Variants in TCFL5 observed in about 807,000 individuals in gnomAD.
The protein encoded by TCFL5 is transcription factor-like 5 protein.
In TCFL5, 9 loss-of-function variants were observed where a neutral mutation model predicts 44.3. The ratio of observed to expected loss-of-function variants is 0.20; its 90% CI spans 0.12 to 0.35. The LOEUF (loss-of-function observed/expected upper bound fraction) is 0.35, where lower values mean the gene tolerates loss of function less well. Among genes scored for constraint, TCFL5 ranks in the 10% least tolerant of loss-of-function variants. The pLI, the probability that TCFL5 is intolerant of heterozygous loss-of-function variation, is 1.00. For missense variants in TCFL5, 603 were observed against 613.4 expected (o/e 0.98, Z 0.18); for synonymous variants, 319 against 271.6 (o/e 1.17, Z -1.72).
intron 3 of TCFL5, among the ~76,000 whole-genome samples, chr20:62,858,220 C>A (rs551879560): frequency 2.0e-5 from 3 of 152,228 alleles, no homozygotes; most frequent in Non-Finnish European, 2.9e-5. Flanking sequence ...TTTTCTGCTG[C>A]GTGACAGGCT....
In TCFL5 at chr20:62,860,142, T is replaced by C. The variant is rs17854409; in HGVS notation, c.814A>G (p.Asn272Asp). ...TTCCCTACCTGTGTCTGTGAAAGAT[T>C]AGAATTTCCACTAGTAGAGCAAGCA... ...TNACSTSGNS[N>D]LSQTQSSSNS... Residue 272 changes from asparagine to aspartate, a missense_variant, in exon 2 of 6, where the codon AAT becomes GAT. Physicochemically the swap from Asn to Asp is conservative, Grantham distance 23. Transcript: ENST00000335351. The C allele has an allele frequency of 0.084, 134,576 of 1,608,502 alleles. 6,760 individuals are homozygous for C. Among genetic ancestry groups the C allele is most frequent in the African/African-American group, 0.21 (15,383 of 74,916 alleles).
chr20:62,857,935 G>A (rs1456992693), intron 3 of TCFL5, among the ~76,000 whole-genome samples: 6 of 151,186 alleles, frequency 4.0e-5, no homozygotes, highest in African/African-American at 1.5e-4. Context: ...ATTAACAGGT[G>A]TTATCTATGA....
intron 5 of TCFL5, chr20:62,851,462 A>T: frequency 1.1e-6 from 1 of 894,060 alleles, no homozygotes; most frequent in Non-Finnish European, 1.3e-6. Flanking sequence ...ATTTACTAAT[A>T]GATACACAAA....
In TCFL5 at chr20:62,861,190, C is replaced by G. The variant is rs2063998694; in HGVS notation, c.481G>C (p.Gly161Arg). 12 of 1,037,896 alleles carry G rather than the reference C, an allele frequency of 1.2e-5. No individual in the cohort carries two copies. The highest frequency in any genetic ancestry group is 1.4e-5 in the Non-Finnish European group (12 of 868,536). 64.3% of individuals were successfully genotyped at this position (1,037,896 alleles called of 1,614,324 possible). A position where few individuals can be genotyped will look rare whatever the true frequency, so the allele number is the denominator to read the frequency against. The change falls in exon 1 of 6, where the codon GGC (glycine) becomes CGC (arginine). Residue 161 changes from glycine (G) to arginine (R), a missense_variant. Physicochemically the swap from Gly to Arg is moderately radical, Grantham distance 125. Coordinates refer to ENST00000335351, the MANE Select transcript of TCFL5 (RefSeq NM_006602.4). The surrounding 1 kb of genome is among the most constrained non-coding windows in gnomAD (Gnocchi z 4.0). ...GCCGCAGCCGCAGCCGCGCCCGCGC[C>G]CTCCTTGGCGGCGCCGTCGGCCCGG... ...RARADGAAKEGAGAAAAAAGP... is the reference protein window; with the variant it reads ...RARADGAAKERAGAAAAAAGP...
At chr20:62,860,481 A>G (rs1453058448) in intron 1 of TCFL5, among the ~76,000 whole-genome samples, 173 bp from the exon 2 acceptor site, 5 of 152,154 alleles carry the variant, frequency 3.3e-5, no homozygotes, top group Admixed American at 2.0e-4. Context: ...TCCTCTTCCT[A>G]TGGAGGAAAA....
chr20:62,845,716 ACTCGGAGAC>A lies in TCFL5; in HGVS notation c.1381-3628_1381-3620del, dbSNP rs769074986. 21 of 1,606,738 alleles carry A rather than the reference ACTCGGAGAC, an allele frequency of 1.3e-5. No individual in the cohort carries two copies. The South Asian group carries it at 2.3e-4, about 18-fold the overall frequency. On this transcript the variant is annotated intron_variant, in intron 5 of 5. Coordinates refer to ENST00000335351, the MANE Select transcript of TCFL5 (RefSeq NM_006602.4). Reference sequence around the variant, plus strand: ...ATCGAGGACTTCCAATATGACGAGGACTCGGAGACATATTTCTGTCCCTGCCCATGCGGA... The same window carrying A: ...ATCGAGGACTTCCAATATGACGAGGAATATTTCTGTCCCTGCCCATGCGGA...
rs1300269742 is a variant in TCFL5, at chr20:62,841,378, G to GT, written c.*596dup. ...AAAACGTGGCATTTAAGCGTCTACTGTGACAGTATTTCATTTGTGGACAAA... is the reference window on the plus strand; with the variant it reads ...AAAACGTGGCATTTAAGCGTCTACTGTTGACAGTATTTCATTTGTGGACAAA... On this transcript the variant is annotated 3_prime_UTR_variant, in exon 6 of 6. Transcript: ENST00000335351. The GT allele has an allele frequency of 6.5e-6, 1 of 154,150 alleles. No individual in the cohort carries two copies. The highest frequency in any genetic ancestry group is 1.4e-5 in the Non-Finnish European group (1 of 69,440). The allele number at this position is 154,150 out of a possible 1,614,324, so 9.5% of individuals were successfully genotyped here.
chr20:62,857,960 A>G (rs963854836), intron 3 of TCFL5, among the ~76,000 whole-genome samples: 1 of 152,128 alleles, frequency 6.6e-6, no homozygotes, highest in Non-Finnish European at 1.5e-5. Context: ...AGAAAACAAG[A>G]AGTTGTTTAC....
chr20:62,850,545 T>G (rs1378411714), intron 5 of TCFL5, among the ~76,000 whole-genome samples: 1 of 152,002 alleles, frequency 6.6e-6, no homozygotes, highest in East Asian at 1.9e-4. Context: ...CGCCGCCCCC[T>G]GGCAGCCATC....
intron 3 of TCFL5, 95 bp from the exon 4 acceptor site, chr20:62,857,733 C>T (rs1453539009): frequency 2.1e-6 from 3 of 1,433,026 alleles, no homozygotes; most frequent in East Asian, 2.3e-5. Flanking sequence ...AAGATATAAA[C>T]ATTATTGGGT....
At chr20:62,860,332 G>A (rs758171260) in intron 1 of TCFL5, 24 bp from the exon 2 acceptor site, 14 of 1,592,338 alleles carry the variant, frequency 8.8e-6, no homozygotes, top group Non-Finnish European at 1.1e-5. Flanking sequence ...AGAAAGCCCA[G>A]AAGTGTCAGC....
chr20:62,852,029 C>T (rs1681614562), intron 5 of TCFL5: 1 of 968,346 alleles, frequency 1.0e-6, no homozygotes, highest in Admixed American at 6.2e-5. Flanking sequence ...TGGTCTCGAA[C>T]TCCTGGCCTC....
intron 5 of TCFL5, chr20:62,844,886 G>T (rs2063722293): frequency 1.0e-6 from 1 of 984,320 alleles, no homozygotes; most frequent in Non-Finnish European, 1.2e-6. Context: ...GGGAGCCACG[G>T]TTCCCAGTCT....
At chr20:62,856,153 G>A (rs2147279272) in intron 4 of TCFL5, among the ~76,000 whole-genome samples, 1 of 150,444 alleles carries the variant, frequency 6.6e-6, no homozygotes, top group Non-Finnish European at 1.5e-5. Flanking sequence ...GGGAGGCTGA[G>A]GCAGAAGACT....
intron 5 of TCFL5, chr20:62,845,605 A>G: frequency 6.3e-7 from 1 of 1,577,542 alleles, no homozygotes; most frequent in Non-Finnish European, 8.6e-7. Context: ...GAGAAGTTAG[A>G]CCCTCGGAGC....
intron 5 of TCFL5, chr20:62,846,086 A>G: frequency 1.5e-6 from 2 of 1,320,558 alleles, no homozygotes; most frequent in Non-Finnish European, 2.0e-6. Flanking sequence ...GCAAGTCCAT[A>G]ACATGACGTA....
In TCFL5 at chr20:62,857,379, C is replaced by T. The variant is rs767030832; in HGVS notation, c.1238+16G>A. On this transcript the variant is annotated intron_variant, in intron 4 of 5. Transcript: ENST00000335351. ...ATCATATATGAGTCAGCCTGACAAG[C>T]AGTCACACGTATTACCTTCTATCTC... 4.3e-6 allele frequency: 7 copies of T among 1,612,618 alleles called. No homozygotes were observed. The highest frequency in any genetic ancestry group is 5.9e-6 in the Non-Finnish European group (7 of 1,178,942).
intron 1 of TCFL5, among the ~76,000 whole-genome samples, 193 bp downstream of exon 1, chr20:62,860,831 T>A (rs2063987230): frequency 1.3e-5 from 2 of 152,134 alleles, no homozygotes; most frequent in South Asian, 4.1e-4. Flanking sequence ...TGGAAGTACC[T>A]GCTCCCCGGG....
At chr20:62,855,980 G>C (rs2063882390) in intron 4 of TCFL5, among the ~76,000 whole-genome samples, 1 of 152,038 alleles carries the variant, frequency 6.6e-6, no homozygotes, top group Admixed American at 6.6e-5. Context: ...GCCGGGTGTG[G>C]TGGCTCATGC....
Sources: allele counts gnomAD v4.1 joint callset (sites outside exome capture counted in the v4.1 genomes callset), GRCh38; gene constraint gnomAD v4.1.1; non-coding constraint Gnocchi (gnomAD v3.1); transcripts MANE v1.5; gene names NCBI Gene and HGNC (gene_info 2026-07-23, HGNC 2026-07-21).